The following BRCA2 variants were observed in gnomAD, a reference collection of about 807,000 sequenced individuals.
BRCA2 encodes breast cancer type 2 susceptibility protein.
A neutral mutation model predicts 276.7 loss-of-function variants in BRCA2; 203 were observed. The ratio of observed to expected loss-of-function variants is 0.73; its 90% CI spans 0.65 to 0.82. The LOEUF (loss-of-function observed/expected upper bound fraction) is 0.82, where lower values mean the gene tolerates loss of function less well. BRCA2 is among the 40% of genes least tolerant of loss of function. BRCA2 has a pLI of 0.00. For missense variants in BRCA2, 3,920 were observed against 3,915.0 expected, an observed-to-expected ratio of 1.00 and a Z score of -0.03; for synonymous variants, 1,289 against 1,338.4, an observed-to-expected ratio of 0.96 and a Z score of 0.81.
Position 32,339,755 on chromosome 13 carries a change from C to T in BRCA2, c.5400C>T (p.Tyr1800=), listed in dbSNP as rs780919805. Residue 1800 remains tyrosine, a synonymous_variant, in exon 11 of 27, where the codon TAC becomes TAT. Coordinates refer to ENST00000380152, the MANE Select transcript of BRCA2 (RefSeq NM_000059.4). ...CCAATGTAAAAGATGCAAATGCATA[C>T]CCACAAACTGTAAATGAAGATATTT... ...VISNVKDANA[Y]PQTVNEDICV... is the part of the protein sequence containing the mutation. The T allele has an allele frequency of 6.2e-7, 1 of 1,613,838 alleles. No homozygotes were observed. The highest frequency in any genetic ancestry group is 2.2e-5 in the East Asian group (1 of 44,848).
At chr13:32,361,563 G>A (rs942705004) in intron 16 of BRCA2, among the ~76,000 whole-genome samples, 2 of 152,122 alleles carry the variant, frequency 1.3e-5, no homozygotes, top group African/African-American at 4.8e-5. Context: ...GATTCACATT[G>A]TTCAGTAGAG....
intron 11 of BRCA2, among the ~76,000 whole-genome samples, chr13:32,342,955 AG>A (rs2072582631): frequency 6.6e-6 from 1 of 152,138 alleles, no homozygotes; most frequent in Non-Finnish European, 1.5e-5. Context: ...AAGTTGAAGC[AG>A]GAGAATCACT....
intron 24 of BRCA2, among the ~76,000 whole-genome samples, chr13:32,388,604 A>G (rs978533795): frequency 6.6e-6 from 1 of 151,962 alleles, no homozygotes; most frequent in African/African-American, 2.4e-5. Flanking sequence ...TGTTCTGAAC[A>G]CATTTAAGAT....
intron 24 of BRCA2, chr13:32,386,116 C>A: frequency 6.0e-6 from 1 of 167,760 alleles, no homozygotes; most frequent in Non-Finnish European, 1.3e-5. Context: ...CTTAGGCACT[C>A]AAATATTGAC....
At chr13:32,374,499 G>C (rs962262260) in intron 20 of BRCA2, among the ~76,000 whole-genome samples, 39 of 152,200 alleles carry the variant, frequency 2.6e-4, no homozygotes, top group African/African-American at 7.7e-4. Flanking sequence ...ACACTCTGCT[G>C]CTTAGAAATT....
rs114749873 is a variant in BRCA2, at chr13:32,366,979, G to T, written c.8332-3423G>T. Among the ~76,000 whole-genome samples, 1,813 of 152,136 alleles carry T rather than the reference G, an allele frequency of 0.012. 37 individuals carry two copies. The highest frequency in any genetic ancestry group is 0.041 in the African/African-American group (1,714 of 41,490). On this transcript the variant is annotated intron_variant, in intron 18 of 26. Transcript: ENST00000380152. The stretch of plus-strand genomic sequence containing the variant: ...GGATGCAAGGTGTCTTGAAGAAATG[G>T]CTGATTCCAGATTCAGAGGAGGAAA...
intron 24 of BRCA2, 35 bp downstream of exon 24, chr13:32,380,180 T>G: frequency 3.2e-6 from 5 of 1,574,850 alleles, no homozygotes; most frequent in Non-Finnish European, 4.3e-6. Context: ...TTTTATTGAT[T>G]CTTTTAAAAA....
In BRCA2 at chr13:32,398,143, G is replaced by C. The variant is rs11571830; in HGVS notation, c.9649-19G>C. ...TTACTACATAATTATGATAGGCTAC[G>C]TTTTCATTTTTTTATCAGATGTCTT... On this transcript the variant is annotated intron_variant, in intron 26 of 26. Transcript: ENST00000380152. The C allele has an allele frequency of 6.3e-7, 1 of 1,597,248 alleles. No individual in the cohort carries two copies. Among genetic ancestry groups the C allele is most frequent in the Non-Finnish European group, 8.5e-7 (1 of 1,171,646 alleles).
rs746033637 is a variant in BRCA2, at chr13:32,341,172, AGAG to A, written c.6821_6823del (p.Gly2274del). 2.5e-6 allele frequency: 4 copies of A among 1,613,974 alleles called. No individual in the cohort carries two copies. The highest frequency in any genetic ancestry group is 4.5e-5 in the East Asian group (2 of 44,812). ...GTCAAATTCAAGAATTGGAAAAAGAAGAGGAGAGCCCCTTATCTTAGTGGGTAA... is the reference window on the plus strand; with the variant it reads ...GTCAAATTCAAGAATTGGAAAAAGAAGAGAGCCCCTTATCTTAGTGGGTAA... On this transcript the variant is annotated inframe_deletion, in exon 11 of 27. Coordinates refer to ENST00000380152, the MANE Select transcript of BRCA2 (RefSeq NM_000059.4).
chr13:32,338,645 T>G lies in BRCA2; in HGVS notation c.4290T>G (p.Thr1430=). ...DFETSDTFFQ[T]ASGKNISVAK... is the part of the protein sequence containing the mutation. ...AGACTTCTGATACATTTTTTCAGAC[T>G]GCAAGTGGGAAAAATATTAGTGTCG... The change falls in exon 11 of 27, where the codon ACT becomes ACG. Residue 1430 remains threonine, a synonymous_variant. Transcript: ENST00000380152. The G allele has an allele frequency of 6.3e-7, 1 of 1,598,922 alleles. No homozygotes were observed. The highest frequency in any genetic ancestry group is 1.7e-5 in the Admixed American group (1 of 58,918).
At chr13:32,395,968 T>TTTC in intron 25 of BRCA2, 1 of 238,676 alleles carries the variant, frequency 4.2e-6, no homozygotes, top group African/African-American at 2.7e-5. Flanking sequence ...TTCTTTTTTT[T>TTTC]TTTTTTTTTT....
chr13:32,325,836 G>A (rs879403542), intron 4 of BRCA2, among the ~76,000 whole-genome samples: 4 of 152,082 alleles, frequency 2.6e-5, no homozygotes, highest in African/African-American at 7.2e-5. Flanking sequence ...CACTGTGCCC[G>A]GCCTACTTTA....
chr13:32,378,107 T>G (rs955148303), intron 21 of BRCA2, among the ~76,000 whole-genome samples: 12 of 152,252 alleles, frequency 7.9e-5, no homozygotes, highest in Admixed American at 3.9e-4. Context: ...ATAATATTAT[T>G]TGTTGAAGCT....
intron 24 of BRCA2, among the ~76,000 whole-genome samples, chr13:32,380,468 A>G (rs1021779198): frequency 2.7e-5 from 4 of 147,530 alleles, no homozygotes; most frequent in Non-Finnish European, 6.0e-5. Flanking sequence ...GGTGTCCTCA[A>G]TTTATTTCCT....
chr13:32,323,658 A>G (rs2137443330), intron 3 of BRCA2, among the ~76,000 whole-genome samples: 1 of 152,350 alleles, frequency 6.6e-6, no homozygotes. Flanking sequence ...TTAGGCTGCT[A>G]CAAACAGTTT....
rs397508032 is a variant in BRCA2 at position 32,379,858 on chromosome 13, AAAGAGCTAACATACAG to A, written c.9063_9078del (p.Glu3021AspfsTer2). On this transcript the variant is annotated frameshift_variant, in exon 23 of 27. Coordinates refer to ENST00000380152, the MANE Select transcript of BRCA2 (RefSeq NM_000059.4). LOFTEE classifies it high-confidence loss of function. ...ACTTCAAAATCTAAAAGTAAATCTG[AAAGAGCTAACATACAG>A]TTAGCAGCGACAAAAAAAACTCAGT... The A allele has an allele frequency of 6.2e-7, 1 of 1,613,784 alleles. No individual in the cohort carries two copies. Among genetic ancestry groups the A allele is most frequent in the Non-Finnish European group, 8.5e-7 (1 of 1,179,890 alleles).
Position 32,340,748 on chromosome 13 carries a change from A to G in BRCA2, c.6393A>G (p.Lys2131=), listed in dbSNP as rs765669556. ...AAAAAACCTGCAGTAAAGAATTTAA[A>G]TTATCAAATAACTTAAATGTTGAAG... ...EMEKTCSKEF[K]LSNNLNVEGG... is the part of the protein sequence containing the mutation. The change falls in exon 11 of 27, where the codon AAA becomes AAG. Residue 2131 remains lysine (K), a synonymous_variant. Transcript: ENST00000380152. 3 of 1,605,542 alleles carry G rather than the reference A, an allele frequency of 1.9e-6. No individual in the cohort carries two copies. Among genetic ancestry groups the G allele is most frequent in the Non-Finnish European group, 2.5e-6 (3 of 1,177,520 alleles).
chr13:32,319,238 A>G lies in BRCA2; in HGVS notation c.229A>G (p.Thr77Ala), dbSNP rs80358500. The part of the protein sequence containing the change: ...RKPSYNQLAS[T>A]PIIFKEQGLT... The stretch of plus-strand genomic sequence containing the variant: ...ACCATCTTATAATCAGCTGGCTTCA[A>G]CTCCAATAATATTCAAAGAGCAAGG... The change falls in exon 3 of 27, where the codon ACT becomes GCT. Residue 77 changes from threonine to alanine, a missense_variant. By Grantham distance (58) the Thr-to-Ala change is moderately conservative. Around this residue, in one of 2 missense-constraint regions of BRCA2, gnomAD observed 3,263 missense variants for 3,156.9 expected, o/e 1.03. Transcript: ENST00000380152. 6 of 1,613,532 alleles carry G rather than the reference A, an allele frequency of 3.7e-6. No homozygotes were observed. The African/African-American group carries it at 6.7e-5, about 18-fold the overall frequency.
Position 32,340,678 on chromosome 13 carries a change from G to A in BRCA2, c.6323G>A (p.Arg2108His), listed in dbSNP as rs35029074. The change falls in exon 11 of 27, where the codon CGT becomes CAT. Residue 2108 changes from arginine to histidine, a missense_variant. By Grantham distance (29) the Arg-to-His change is conservative. This residue lies in a region of BRCA2 where 3,263 missense variants were observed against 3,156.9 expected (regional missense o/e 1.03). Coordinates refer to ENST00000380152, the MANE Select transcript of BRCA2 (RefSeq NM_000059.4). The part of the protein sequence containing the change: ...SRQNVSKILP[R>H]VDKRNPEHCV... ...CAAAATGTATCAAAAATACTTCCTC[G>A]TGTTGATAAGAGAAACCCAGAGCAC... 1.3e-3 allele frequency: 2,032 copies of A among 1,608,966 alleles called. 4 individuals carry two copies. The highest frequency in any genetic ancestry group is 6.7e-3 in the African/African-American group (496 of 74,550).
Sources: allele counts gnomAD v4.1 joint callset (sites outside exome capture counted in the v4.1 genomes callset), GRCh38; gene constraint gnomAD v4.1.1; regional missense constraint gnomAD v4.1.1; transcripts MANE v1.5; gene names NCBI Gene and HGNC (gene_info 2026-07-23, HGNC 2026-07-21).